DHX9: variants seen among roughly 807,000 people sequenced by gnomAD.
DHX9 encodes the protein DExH-box helicase 9.
Under a neutral mutation model 148.7 loss-of-function variants are expected in DHX9, and 27 were observed. The ratio of observed to expected loss-of-function variants is 0.18; its 90% confidence interval spans 0.13 to 0.25. The LOEUF (loss-of-function observed/expected upper bound fraction) is 0.25. Among genes scored for constraint, DHX9 ranks in the 10% least tolerant of loss-of-function variants. The pLI, the probability that DHX9 is intolerant of heterozygous loss-of-function variation, is 1.00. For synonymous variants in DHX9, 529 were observed against 516.6 expected (o/e 1.02, Z -0.33); for missense variants, 796 against 1,559.6 (o/e 0.51, Z 8.25).
At chr1:182,874,767 T>G in intron 15 of DHX9, 87 bp from the exon 16 acceptor site, 1 of 1,070,574 alleles carries the variant, frequency 9.3e-7, no homozygotes. Context: ...ATTAAAGTAG[T>G]TTTGAACTAT....
chr1:182,879,176 C>T (rs1324111269), intron 20 of DHX9, 74 bp from the exon 21 acceptor site: 5 of 1,259,570 alleles, frequency 4.0e-6, no homozygotes, highest in Non-Finnish European at 4.2e-6. Context: ...TCCCTGATTA[C>T]CTTGCTGCAA....
At chr1:182,875,170 G>A (rs773882403) in intron 16 of DHX9, 30 of 575,102 alleles carry the variant, frequency 5.2e-5, no homozygotes, top group South Asian at 3.5e-4. Flanking sequence ...TATCTCTGGC[G>A]TAAAGATCAA....
chr1:182,863,910 C>T (rs551303626), intron 12 of DHX9, among the ~76,000 whole-genome samples: 12 of 152,016 alleles, frequency 7.9e-5, no homozygotes, highest in Non-Finnish European at 1.3e-4. Context: ...TGGTGGCTCA[C>T]GCCTGTAATT....
At chr1:182,882,909 A>T (rs892299285) in intron 24 of DHX9, among the ~76,000 whole-genome samples, 2 of 151,716 alleles carry the variant, frequency 1.3e-5, no homozygotes, top group South Asian at 4.2e-4. Context: ...TTTATGGTTG[A>T]GTCTATAAGA....
At chr1:182,882,863 CAAA>C (rs796875709) in intron 24 of DHX9, among the ~76,000 whole-genome samples, 9 of 83,842 alleles carry the variant, frequency 1.1e-4, no homozygotes, top group Non-Finnish European at 8.3e-5. Flanking sequence ...AGACTCGTCT[CAAA>C]AAAAAAAAAA....
At chr1:182,869,664 GA>G (rs2102610453) in intron 14 of DHX9, among the ~76,000 whole-genome samples, 1 of 152,320 alleles carries the variant, frequency 6.6e-6, no homozygotes, top group South Asian at 2.1e-4. Context: ...AGGCTAGAGT[GA>G]AGTTTCGGCA....
intron 20 of DHX9, 47 bp from the exon 21 acceptor site, chr1:182,879,203 T>C (rs766515446): frequency 2.2e-6 from 3 of 1,379,626 alleles, no homozygotes; most frequent in South Asian, 4.2e-5. Flanking sequence ...TATTAACATC[T>C]GTGTATACAC....
At chr1:182,859,865 A>G (rs1241819745) in intron 11 of DHX9, 128 bp from the exon 12 acceptor site, 3 of 787,820 alleles carry the variant, frequency 3.8e-6, no homozygotes, top group Non-Finnish European at 2.0e-6. Flanking sequence ...CAGCCTCCCA[A>G]AGTGCTGGGA....
intron 16 of DHX9, 106 bp downstream of exon 16, chr1:182,875,060 T>A (rs1049227051): frequency 5.5e-6 from 5 of 911,988 alleles, no homozygotes; most frequent in Non-Finnish European, 8.8e-6. Context: ...CAAACTTTCT[T>A]AAAAACTGAC....
At position 182,878,180 on chromosome 1, in the gene DHX9, C is replaced by G; in HGVS notation, c.2351+7C>G. 6.2e-7 allele frequency: 1 copy of G among 1,613,984 alleles called. No homozygotes were observed. The highest frequency in any genetic ancestry group is 8.5e-7 in the Non-Finnish European group (1 of 1,179,932). On this transcript the variant is annotated splice_region_variant and intron_variant, in intron 20 of 27. Coordinates refer to ENST00000367549, the MANE Select transcript of DHX9 (RefSeq NM_001357.5). The stretch of plus-strand genomic sequence containing the variant: ...GCCGAGCTCGTTTTGAGAGGTAAGA[C>G]CCATTCTTGACCTTTAGTAAGGGAT...
chr1:182,853,215 A>G, intron 4 of DHX9, 91 bp from the exon 5 acceptor site: 1 of 912,080 alleles, frequency 1.1e-6, no homozygotes, highest in Non-Finnish European at 1.7e-6. Flanking sequence ...GTGAGCCTCC[A>G]TGCCCGGCCA....
intron 6 of DHX9, among the ~76,000 whole-genome samples, chr1:182,856,192 C>G (rs1270539982): frequency 6.6e-6 from 1 of 152,138 alleles, no homozygotes; most frequent in East Asian, 1.9e-4. Context: ...TTTCTTGGCT[C>G]CAAGCTAAGT....
chr1:182,858,053 C>T (rs1486911784), intron 7 of DHX9, 51 bp from the exon 8 acceptor site: 2 of 1,574,218 alleles, frequency 1.3e-6, no homozygotes, highest in Admixed American at 3.7e-5. Context: ...TAAGATGTTT[C>T]TTTACTCAGA....
intron 1 of DHX9, among the ~76,000 whole-genome samples, chr1:182,840,321 GC>G (rs1667898399): frequency 8.6e-5 from 2 of 23,214 alleles, no homozygotes; most frequent in Admixed American, 4.9e-4. Flanking sequence ...TTTTTTTTTT[GC>G]AAGAGTCTCG....
At chr1:182,874,367 G>T (rs1300306055) in intron 15 of DHX9, among the ~76,000 whole-genome samples, 2 of 152,090 alleles carry the variant, frequency 1.3e-5, no homozygotes, top group East Asian at 1.9e-4. Flanking sequence ...GGATATAGAG[G>T]GTGTTTTGAT....
intron 3 of DHX9, among the ~76,000 whole-genome samples, chr1:182,847,142 C>A (rs1188595005): frequency 6.6e-6 from 1 of 152,084 alleles, no homozygotes; most frequent in Non-Finnish European, 1.5e-5. Flanking sequence ...TCTTTTATGT[C>A]ATGAAGCTTA....
chr1:182,841,604 T>C (rs576801421), intron 1 of DHX9, among the ~76,000 whole-genome samples: 6 of 152,372 alleles, frequency 3.9e-5, no homozygotes, highest in African/African-American at 7.2e-5. Context: ...GGGGTGCAGT[T>C]TGATGACGTT....
At chr1:182,857,614 C>T (rs796777823) in intron 7 of DHX9, among the ~76,000 whole-genome samples, 42 of 152,304 alleles carry the variant, frequency 2.8e-4, no homozygotes, top group African/African-American at 1.0e-3. Flanking sequence ...TGACTGCTTT[C>T]ACACATTAAA....
intron 8 of DHX9, 92 bp downstream of exon 8, chr1:182,858,332 A>G: frequency 7.0e-7 from 1 of 1,436,504 alleles, no homozygotes; most frequent in South Asian, 1.3e-5. Flanking sequence ...AATTTTAAGA[A>G]TCTTACCTCA....
Sources: allele counts gnomAD v4.1 joint callset (sites outside exome capture counted in the v4.1 genomes callset), GRCh38; gene constraint gnomAD v4.1.1; transcripts MANE v1.5; gene names NCBI Gene and HGNC (gene_info 2026-07-23, HGNC 2026-07-21).